Variants in RBFOX1 observed in about 807,000 individuals in gnomAD.
RBFOX1 encodes the protein RNA binding protein fox-1 homolog 1.
In RBFOX1, 8 loss-of-function variants were observed where a neutral mutation model predicts 57.7. The ratio of observed to expected loss-of-function variants is 0.14; its 90% CI spans 0.08 to 0.25. RBFOX1 has a LOEUF of 0.25. Ranked by LOEUF, RBFOX1 falls within the 10% of genes least tolerant of loss-of-function variation. The pLI is 1.00. For missense variants in RBFOX1, 611 were observed against 548.5 expected, an observed-to-expected ratio of 1.11 and a Z score of -1.14; for synonymous variants, 326 against 222.4, an observed-to-expected ratio of 1.47 and a Z score of -4.15.
At chr16:7,685,104 G>A (rs538214441) in intron 14 of RBFOX1, among the ~76,000 whole-genome samples, 18 of 152,098 alleles carry the variant, frequency 1.2e-4, no homozygotes, top group South Asian at 6.2e-4. Context: ...AGTCCCAGCC[G>A]TGCTGAACCA....
intron 1 of RBFOX1, among the ~76,000 whole-genome samples, chr16:5,340,186 T>A (rs993267463): frequency 3.7e-4 from 56 of 152,306 alleles, no homozygotes; most frequent in African/African-American, 1.3e-3. Flanking sequence ...CAAAAGACAG[T>A]TGCTTACATC....
chr16:6,465,884 T>TTGTGTGTGTGTGTGTGTG (rs111917166), intron 2 of RBFOX1, among the ~76,000 whole-genome samples: 3 of 146,332 alleles, frequency 2.1e-5, no homozygotes, highest in South Asian at 4.4e-4. Flanking sequence ...ATTTGTGTGT[T>TTGTGTGTGTGTGTGTGTG]TGTGTGTGTG....
intron 1 of RBFOX1, among the ~76,000 whole-genome samples, chr16:6,058,650 C>T (rs2095644757): frequency 6.7e-6 from 1 of 148,804 alleles, no homozygotes; most frequent in African/African-American, 2.5e-5. Flanking sequence ...ACCCATCCAT[C>T]CACCCATCCA....
intron 4 of RBFOX1, among the ~76,000 whole-genome samples, chr16:7,504,278 A>G (rs1044150361): frequency 1.8e-4 from 28 of 152,066 alleles, no homozygotes; most frequent in Admixed American, 6.5e-4. Context: ...CATTTAGGGC[A>G]GTGGCAAGCA....
chr16:6,120,128 T>C lies in RBFOX1; in HGVS notation c.-127+100136T>C, dbSNP rs374466468. Among the ~76,000 whole-genome samples the C allele has an allele frequency of 5.9e-4, 90 of 152,380 alleles. No individual in the cohort carries two copies. In the East Asian group the frequency reaches 6.0e-3, roughly 10 times the overall value. On this transcript the variant is annotated intron_variant, in intron 1 of 15. Coordinates refer to ENST00000550418, the MANE Select transcript of RBFOX1 (RefSeq NM_018723.4). ...TAGCACACATCAGTGCTTCATTCCC[T>C]TTTATGGCTGAATAACGTTCCACTG...
At chr16:5,447,356 T>G (rs915488782) in intron 1 of RBFOX1, among the ~76,000 whole-genome samples, 4 of 143,178 alleles carry the variant, frequency 2.8e-5, no homozygotes, top group African/African-American at 1.1e-4. Context: ...TCTCTCATCA[T>G]TCAATGTCAA....
At chr16:7,107,770 A>G (rs1429920176) in intron 4 of RBFOX1, among the ~76,000 whole-genome samples, 1 of 152,130 alleles carries the variant, frequency 6.6e-6, no homozygotes, top group Admixed American at 6.6e-5. Context: ...CCCACACAGA[A>G]TAAAAGTATT....
rs376147858 is a variant in RBFOX1, at chr16:5,773,501, C to T, written c.319-93802C>T. ...TGATTCTAACAGTTGCATAATTTTT[C>T]ATAACATGAACGTACTGCAGTTGCT... On this transcript the variant is annotated intron_variant, in intron 3 of 19. Transcript: ENST00000641259. Among the ~76,000 whole-genome samples the T allele has an allele frequency of 7.8e-4, 119 of 152,306 alleles. 1 individual carries two copies. In the Middle Eastern group the frequency reaches 0.014, roughly 17 times the overall value.
intron 2 of RBFOX1, among the ~76,000 whole-genome samples, chr16:6,604,768 T>A (rs2097903405): frequency 6.6e-6 from 1 of 152,178 alleles, no homozygotes; most frequent in African/African-American, 2.4e-5. Context: ...ATTCCAAGAT[T>A]CTATAATTCT....
chr16:6,849,932 A>T (rs1163619018), intron 3 of RBFOX1, among the ~76,000 whole-genome samples: 10 of 152,166 alleles, frequency 6.6e-5, no homozygotes, highest in Non-Finnish European at 1.5e-4. Flanking sequence ...TAGGAAGATG[A>T]CTTGGATTAG....
intron 2 of RBFOX1, among the ~76,000 whole-genome samples, chr16:6,597,771 T>C (rs1386016799): frequency 6.6e-6 from 1 of 152,186 alleles, no homozygotes; most frequent in African/African-American, 2.4e-5. Context: ...TCTTCCAGTT[T>C]AAAAGGAGCA....
At chr16:5,689,824 C>G (rs1043322329) in intron 3 of RBFOX1, among the ~76,000 whole-genome samples, 1 of 150,346 alleles carries the variant, frequency 6.7e-6, no homozygotes, top group Admixed American at 6.6e-5. Flanking sequence ...AAAGAAGGAA[C>G]ACATTTGTAA....
chr16:7,434,836 C>T (rs2098709642), intron 4 of RBFOX1, among the ~76,000 whole-genome samples: 1 of 151,620 alleles, frequency 6.6e-6, no homozygotes, highest in Admixed American at 6.6e-5. Flanking sequence ...GCCTCCCAGA[C>T]TCAAGTGATT....
At chr16:6,938,473 G>C (rs1165072143) in intron 3 of RBFOX1, among the ~76,000 whole-genome samples, 2 of 152,100 alleles carry the variant, frequency 1.3e-5, no homozygotes, top group African/African-American at 2.4e-5. Context: ...TTTCTTGTCT[G>C]AGAAATTTCT....
rs1412711286 is a variant in RBFOX1, at chr16:7,414,440, T to C, written c.28-103707T>C. ...AAGAAAAATATTGAAAAATCTTCAA[T>C]TAAAATGTGATTCTTTCTAATGTGA... On this transcript the variant is annotated intron_variant, in intron 4 of 15. Coordinates refer to ENST00000550418, the MANE Select transcript of RBFOX1 (RefSeq NM_018723.4). 2.0e-5 allele frequency among the ~76,000 whole-genome samples: 3 copies of C among 152,334 alleles called. No individual in the cohort carries two copies. The East Asian group carries it at 5.8e-4, about 29-fold the overall frequency.
rs928728230 is a variant in RBFOX1, at chr16:5,530,959, A to C, written c.258+63705A>C. On this transcript the variant is annotated intron_variant, in intron 2 of 2. Transcript: ENST00000585867. ...AAAAAAAAAAAAAAAAAAAAAAAAA[A>C]AAAAAAAAAAAAAAAATTAGCCAGG... Among the ~76,000 whole-genome samples, 22 of 98,116 alleles carry C rather than the reference A, an allele frequency of 2.2e-4. 1 individual carries two copies. Among genetic ancestry groups the C allele is most frequent in the African/African-American group, 1.2e-3 (20 of 16,130 alleles). The allele number at this position is 98,116 out of a possible 152,430, so 64.4% of individuals were successfully genotyped here. A position where few individuals can be genotyped will look rare whatever the true frequency, so the allele number is the denominator to read the frequency against.
intron 3 of RBFOX1, among the ~76,000 whole-genome samples, chr16:6,836,878 C>T (rs2093138415): frequency 6.6e-6 from 1 of 152,150 alleles, no homozygotes; most frequent in South Asian, 2.1e-4. Flanking sequence ...ACCACAGGGC[C>T]TGTATGGTTA....
At position 7,341,776 on chromosome 16, in the gene RBFOX1, C is replaced by CTCTTTCCTTCCTTCCT. The variant is rs1377056870; in HGVS notation, c.28-176369_28-176368insTTTCCTTCCTTCCTTC. 1.5e-3 allele frequency among the ~76,000 whole-genome samples: 146 copies of CTCTTTCCTTCCTTCCT among 95,200 alleles called. 2 individuals are homozygous for CTCTTTCCTTCCTTCCT. The highest frequency in any genetic ancestry group is 4.3e-3 in the African/African-American group (106 of 24,902). The allele number at this position is 95,200 out of a possible 152,430, so 62.5% of individuals were successfully genotyped here. Reference sequence around the variant, plus strand: ...CCTCCTTCCCTCCTTCCCTCCCTCCCTCCTTCCTTCCTTCCTTCCTTCCTT... The same window carrying CTCTTTCCTTCCTTCCT: ...CCTCCTTCCCTCCTTCCCTCCCTCCCTCTTTCCTTCCTTCCTTCCTTCCTTCCTTCCTTCCTTCCTT... On this transcript the variant is annotated intron_variant, in intron 4 of 15. Transcript: ENST00000550418.
At chr16:7,645,010 A>G (rs7205010) in intron 11 of RBFOX1, among the ~76,000 whole-genome samples, 50,312 of 151,996 alleles carry the variant, frequency 0.33, 8,622 homozygotes, top group African/African-American at 0.4. Context: ...GCCTCTTACA[A>G]TCTTATTCCC....
Sources: allele counts gnomAD v4.1 joint callset (sites outside exome capture counted in the v4.1 genomes callset), GRCh38; gene constraint gnomAD v4.1.1; transcripts MANE v1.5; gene names NCBI Gene and HGNC (gene_info 2026-07-23, HGNC 2026-07-21).